ADGRL3: variants seen among roughly 807,000 people sequenced by gnomAD.
The protein encoded by ADGRL3 is adhesion G protein-coupled receptor L3.
Under a neutral mutation model 153.5 loss-of-function variants are expected in ADGRL3, and 62 were observed. That is an observed-to-expected ratio of 0.40 (90% confidence interval 0.33 to 0.50). The LOEUF (loss-of-function observed/expected upper bound fraction) is 0.50, where lower values mean the gene tolerates loss of function less well. ADGRL3 is among the 20% of genes least tolerant of loss of function. ADGRL3 has a pLI of 0.47. For missense variants in ADGRL3, 1,641 were observed against 1,859.4 expected (o/e 0.88, Z 2.16); for synonymous variants, 710 against 672.5 (o/e 1.06, Z -0.86).
At chr4:61,381,158 G>C (rs1471019250) in intron 1 of ADGRL3, among the ~76,000 whole-genome samples, 1 of 151,904 alleles carries the variant, frequency 6.6e-6, no homozygotes, top group African/African-American at 2.4e-5. Context: ...AAGACTCTCT[G>C]TCCTTACCTA....
At chr4:61,337,001 A>C (rs973132337) in intron 1 of ADGRL3, among the ~76,000 whole-genome samples, 13 of 151,992 alleles carry the variant, frequency 8.6e-5, no homozygotes, top group Non-Finnish European at 1.6e-4. Context: ...CCTTAGACTA[A>C]AATGGGCTAA....
intron 1 of ADGRL3, among the ~76,000 whole-genome samples, chr4:61,351,871 A>G (rs2096058906): frequency 6.6e-6 from 1 of 152,196 alleles, no homozygotes; most frequent in East Asian, 1.9e-4. Flanking sequence ...ATGCTTGCTA[A>G]TGCAACATCC....
At chr4:61,482,186 C>A (rs1479134739) in intron 2 of ADGRL3, among the ~76,000 whole-genome samples, 1 of 152,170 alleles carries the variant, frequency 6.6e-6, no homozygotes, top group African/African-American at 2.4e-5. Flanking sequence ...CAATTTTTAA[C>A]TCTCAAAAAA....
intron 9 of ADGRL3, among the ~76,000 whole-genome samples, chr4:61,836,055 G>A (rs2097930136): frequency 1.3e-5 from 2 of 152,116 alleles, no homozygotes; most frequent in Admixed American, 6.6e-5. Context: ...CAAAAAACAA[G>A]ACAGCGAGAT....
At chr4:61,598,751 T>G (rs941648666) in intron 5 of ADGRL3, among the ~76,000 whole-genome samples, 1 of 152,214 alleles carries the variant, frequency 6.6e-6, no homozygotes, top group African/African-American at 2.4e-5. Flanking sequence ...TGAAAAAATG[T>G]TATCTAATGG....
chr4:61,997,784 T>G (rs1240747944), intron 20 of ADGRL3, among the ~76,000 whole-genome samples: 1 of 152,198 alleles, frequency 6.6e-6, no homozygotes, highest in Non-Finnish European at 1.5e-5. Flanking sequence ...TAATACAGTA[T>G]TTGAAAATGT....
chr4:61,895,291 C>A (rs914278897), intron 10 of ADGRL3, among the ~76,000 whole-genome samples: 1 of 152,068 alleles, frequency 6.6e-6, no homozygotes, highest in African/African-American at 2.4e-5. Flanking sequence ...TATGGTGAAA[C>A]CCTGCCTCTA....
chr4:61,248,890 C>G (rs1758105723), intron 1 of ADGRL3, among the ~76,000 whole-genome samples: 1 of 152,150 alleles, frequency 6.6e-6, no homozygotes, highest in Non-Finnish European at 1.5e-5. Context: ...TTTCCTTTAT[C>G]TGTCACTACG....
intron 9 of ADGRL3, among the ~76,000 whole-genome samples, chr4:61,855,806 A>G (rs1029843413): frequency 6.6e-5 from 10 of 152,126 alleles, no homozygotes; most frequent in African/African-American, 2.4e-4. Context: ...AATGCCTACC[A>G]TTTTCTAGGC....
chr4:61,880,958 G>T (rs2098504942), intron 9 of ADGRL3, among the ~76,000 whole-genome samples: 1 of 152,130 alleles, frequency 6.6e-6, no homozygotes, highest in South Asian at 2.1e-4. Context: ...TCCTCAAGGA[G>T]TCTCAAGCTC....
intron 1 of ADGRL3, among the ~76,000 whole-genome samples, chr4:61,240,340 G>T (rs1754428545): frequency 6.6e-6 from 1 of 152,008 alleles, no homozygotes; most frequent in Non-Finnish European, 1.5e-5. Flanking sequence ...CTGTCACATT[G>T]GGTCTTAGGT....
chr4:61,436,984 T>C (rs2152445512), intron 2 of ADGRL3, among the ~76,000 whole-genome samples: 1 of 152,264 alleles, frequency 6.6e-6, no homozygotes, highest in Middle Eastern at 3.4e-3. Context: ...TTTCAGGAAC[T>C]ATGAACATAA....
chr4:61,549,493 C>T lies in ADGRL3; in HGVS notation c.259+31975C>T, dbSNP rs1473581564. ...CCTCATTTTTGCCTGAGAACTTCCT[C>T]TGCTATCCTCAGTGTAATTATCATT... On this transcript the variant is annotated intron_variant, in intron 4 of 26. Coordinates refer to ENST00000683033, the MANE Select transcript of ADGRL3 (RefSeq NM_001387552.1). 2.0e-5 allele frequency among the ~76,000 whole-genome samples: 3 copies of T among 152,116 alleles called. No homozygotes were observed. The East Asian group carries it at 5.8e-4, about 29-fold the overall frequency.
intron 2 of ADGRL3, among the ~76,000 whole-genome samples, chr4:61,443,080 A>C (rs1009606411): frequency 1.3e-5 from 2 of 152,166 alleles, no homozygotes; most frequent in African/African-American, 4.8e-5. Flanking sequence ...AATCCAGTGC[A>C]CTGTTTCTGA....
At chr4:61,284,693 G>C (rs931824688) in intron 1 of ADGRL3, among the ~76,000 whole-genome samples, 2 of 151,648 alleles carry the variant, frequency 1.3e-5, no homozygotes, top group Non-Finnish European at 2.9e-5. Flanking sequence ...CTTTGTCTAG[G>C]TATCAAAATA....
intron 6 of ADGRL3, among the ~76,000 whole-genome samples, chr4:61,715,561 T>C (rs193252632): frequency 6.6e-6 from 1 of 152,300 alleles, no homozygotes; most frequent in Non-Finnish European, 1.5e-5. Context: ...GAAAGCAAGA[T>C]GTTTATTCAC....
chr4:61,739,307 C>CTTTTTT (rs33939282), intron 8 of ADGRL3, among the ~76,000 whole-genome samples: 1 of 146,482 alleles, frequency 6.8e-6, no homozygotes. Flanking sequence ...CTACAAATTA[C>CTTTTTT]TTTTTTTTTT....
At chr4:61,459,326 G>T (rs335344) in intron 2 of ADGRL3, among the ~76,000 whole-genome samples, 1 of 151,918 alleles carries the variant, frequency 6.6e-6, no homozygotes, top group Non-Finnish European at 1.5e-5. Flanking sequence ...TAAACAAATA[G>T]ATTAGAAATA....
intron 4 of ADGRL3, among the ~76,000 whole-genome samples, chr4:61,561,843 T>C (rs1026398527): frequency 6.6e-5 from 10 of 152,012 alleles, no homozygotes; most frequent in Non-Finnish European, 1.2e-4. Context: ...CCTCACTATG[T>C]TGCCCAAGCT....
Sources: allele counts gnomAD v4.1 joint callset (sites outside exome capture counted in the v4.1 genomes callset), GRCh38; gene constraint gnomAD v4.1.1; transcripts MANE v1.5; gene names NCBI Gene and HGNC (gene_info 2026-07-23, HGNC 2026-07-21).